Variants in PCDHA5 observed in about 807,000 individuals in gnomAD.
PCDHA5 encodes the protein protocadherin alpha 5.
In PCDHA5, 43 loss-of-function variants were observed where a neutral mutation model predicts 61.6. That is an observed-to-expected ratio of 0.70 (90% CI 0.55 to 0.90). PCDHA5 has a LOEUF of 0.90. PCDHA5 is among the 40% of genes least tolerant of loss of function. The probability of loss-of-function intolerance (pLI) is 0.00; values close to 1 mark genes in which losing one functional copy is unlikely to be tolerated. For missense variants in PCDHA5, 1,298 were observed against 1,222.7 expected, an observed-to-expected ratio of 1.06 and a Z score of -0.92; for synonymous variants, 627 against 543.9, an observed-to-expected ratio of 1.15 and a Z score of -2.13.
chr5:140,968,526 C>G, intron 1 of PCDHA5: 3 of 1,614,200 alleles, frequency 1.9e-6, no homozygotes, highest in Middle Eastern at 1.6e-4. Context: ...TCAACCAACT[C>G]GTCAGCAGCC....
intron 1 of PCDHA5, chr5:140,967,826 G>A (rs782046643): frequency 1.2e-6 from 2 of 1,614,168 alleles, no homozygotes; most frequent in East Asian, 4.5e-5. Context: ...GGTGCTGGTG[G>A]ACATCGTGGA....
At chr5:140,907,377 C>T (rs2073348359) in intron 1 of PCDHA5, among the ~76,000 whole-genome samples, 1 of 152,124 alleles carries the variant, frequency 6.6e-6, no homozygotes, top group Non-Finnish European at 1.5e-5. Context: ...AAAGTGAGTG[C>T]CTTGGTCAAA....
chr5:140,917,151 G>A (rs974449842), intron 1 of PCDHA5, among the ~76,000 whole-genome samples: 1 of 152,160 alleles, frequency 6.6e-6, no homozygotes, highest in Non-Finnish European at 1.5e-5. Flanking sequence ...TGCTGCTGGG[G>A]GATATGGGAG....
intron 1 of PCDHA5, among the ~76,000 whole-genome samples, chr5:140,972,711 T>A (rs2096551404): frequency 6.7e-6 from 1 of 148,680 alleles, no homozygotes; most frequent in Non-Finnish European, 1.5e-5. Context: ...GTTGCCAGGC[T>A]GGAGTGCAGT....
chr5:140,899,606 A>G (rs1330407383), intron 1 of PCDHA5, among the ~76,000 whole-genome samples: 1 of 152,168 alleles, frequency 6.6e-6, no homozygotes, highest in Non-Finnish European at 1.5e-5. Flanking sequence ...GGACTTTTGC[A>G]TCAATGTTCA....
chr5:140,842,707 G>A, intron 1 of PCDHA5: 1 of 1,595,290 alleles, frequency 6.3e-7, no homozygotes, highest in Non-Finnish European at 8.6e-7. Context: ...AGTACACGGT[G>A]TTCGTGAAGG....
chr5:140,857,694 C>G (rs1554150531), intron 1 of PCDHA5: 3 of 1,597,142 alleles, frequency 1.9e-6, no homozygotes, highest in South Asian at 1.1e-5. Context: ...AGCAACTTGA[C>G]GCTGCAGGTG....
rs1430300644 is a variant in PCDHA5 at position 141,011,992 on chromosome 5, C to T, written c.*2055C>T. 6.5e-6 allele frequency: 1 copy of T among 153,658 alleles called. No individual in the cohort carries two copies. The highest frequency in any genetic ancestry group is 1.5e-5 in the Non-Finnish European group (1 of 68,022). 9.5% of individuals were successfully genotyped at this position (153,658 alleles called of 1,614,324 possible). ...TGTCTTGTCTACTTTTAGCTTCATTCTCCCATATTTTGAAGGGTGTGTAAC... is the reference window on the plus strand; with the variant it reads ...TGTCTTGTCTACTTTTAGCTTCATTTTCCCATATTTTGAAGGGTGTGTAAC... On this transcript the variant is annotated 3_prime_UTR_variant, in exon 4 of 4. Transcript: ENST00000529859.
chr5:141,007,395 CAAAAAA>C (rs35800918), intron 3 of PCDHA5, among the ~76,000 whole-genome samples: 3 of 94,844 alleles, frequency 3.2e-5, no homozygotes, highest in East Asian at 2.9e-4. Flanking sequence ...TACTAAAATA[CAAAAAA>C]AAAAAAAAAA....
chr5:140,924,876 C>G (rs1380631161), intron 1 of PCDHA5, among the ~76,000 whole-genome samples: 1 of 144,704 alleles, frequency 6.9e-6, no homozygotes, highest in Non-Finnish European at 1.5e-5. Flanking sequence ...GCCTGGGTGA[C>G]AGAGCAAGAA....
chr5:140,944,464 G>T (rs2093661298), intron 1 of PCDHA5, among the ~76,000 whole-genome samples: 1 of 152,158 alleles, frequency 6.6e-6, no homozygotes, highest in African/African-American at 2.4e-5. Context: ...TGGGATTACA[G>T]GTATGAGGCA....
intron 3 of PCDHA5, among the ~76,000 whole-genome samples, chr5:140,997,328 G>A (rs76646758): frequency 0.013 from 1,948 of 152,070 alleles, 47 homozygotes; most frequent in African/African-American, 0.045. Flanking sequence ...CAGTTTTTTC[G>A]TTGTACAAAT....
intron 1 of PCDHA5, chr5:140,969,265 A>T: frequency 1.9e-6 from 3 of 1,614,250 alleles, no homozygotes; most frequent in Non-Finnish European, 2.5e-6. Flanking sequence ...GGAATCTCAC[A>T]GGCCAAAGTG....
chr5:140,857,971 G>C (rs1554150955), intron 1 of PCDHA5: 3 of 1,596,810 alleles, frequency 1.9e-6, no homozygotes, highest in Non-Finnish European at 2.6e-6. Flanking sequence ...AGACTGACTC[G>C]CCACGCCAGC....
chr5:140,941,201 TCC>T lies in PCDHA5; in HGVS notation c.2353-37747_2353-37746del, dbSNP rs1554213890. On this transcript the variant is annotated intron_variant, in intron 1 of 3. Coordinates refer to ENST00000529859, the MANE Select transcript of PCDHA5 (RefSeq NM_018908.3). The stretch of plus-strand genomic sequence containing the variant: ...ATCCTGCTTCTTTTTTTTTCTTTCT[TCC>T]TTTCTTTCTTCCTTTCTTTCTTTCT... 4.9e-3 allele frequency among the ~76,000 whole-genome samples: 512 copies of T among 103,578 alleles called. 4 individuals are homozygous for T. The highest frequency in any genetic ancestry group is 7.0e-3 in the African/African-American group (178 of 25,432). 68.0% of individuals were successfully genotyped at this position (103,578 alleles called of 152,430 possible). A position where few individuals can be genotyped will look rare whatever the true frequency, so the allele number is the denominator to read the frequency against.
rs143144725 is a variant in PCDHA5 at position 140,850,029 on chromosome 5, G to A, written c.2352+25902G>A. Reference sequence around the variant, plus strand: ...GCTGTCGAGCTACGTGTCAGTGCACGCGGAGAGCGGCAAGGTGTACGCGCT... The same window carrying A: ...GCTGTCGAGCTACGTGTCAGTGCACACGGAGAGCGGCAAGGTGTACGCGCT... On this transcript the variant is annotated intron_variant, in intron 1 of 3. Coordinates refer to ENST00000529859, the MANE Select transcript of PCDHA5 (RefSeq NM_018908.3). 1.3e-4 allele frequency: 205 copies of A among 1,596,756 alleles called. 11 individuals carry two copies. In the African/African-American group the frequency reaches 2.2e-3, roughly 17 times the overall value.
intron 1 of PCDHA5, chr5:140,883,657 C>T: frequency 1.2e-6 from 2 of 1,613,594 alleles, no homozygotes; most frequent in Non-Finnish European, 1.7e-6. Context: ...ACACGGTGTT[C>T]GTGAAGGAAA....
chr5:140,999,747 C>T (rs2097874058), intron 3 of PCDHA5, among the ~76,000 whole-genome samples: 1 of 152,008 alleles, frequency 6.6e-6, no homozygotes, highest in East Asian at 1.9e-4. Flanking sequence ...AATCTGGGTT[C>T]GCAGCACATG....
intron 1 of PCDHA5, among the ~76,000 whole-genome samples, chr5:140,974,086 A>G (rs1554235813): frequency 2.6e-5 from 4 of 152,256 alleles, no homozygotes; most frequent in Non-Finnish European, 5.9e-5. Context: ...CATGACTTCA[A>G]AAATCAAAGG....
Sources: allele counts gnomAD v4.1 joint callset (sites outside exome capture counted in the v4.1 genomes callset), GRCh38; gene constraint gnomAD v4.1.1; transcripts MANE v1.5; gene names NCBI Gene and HGNC (gene_info 2026-07-23, HGNC 2026-07-21).